EXOC2: variants seen among roughly 807,000 people sequenced by gnomAD.
The protein encoded by EXOC2 is exocyst complex component 2.
A neutral mutation model predicts 131.8 loss-of-function variants in EXOC2; 70 were observed. The observed-to-expected ratio is 0.53, with a 90% CI of 0.44 to 0.65. The LOEUF is 0.65. Among genes scored for constraint, EXOC2 ranks in the 30% least tolerant of loss-of-function variants. The probability of loss-of-function intolerance (pLI) is 0.00; values close to 1 mark genes in which losing one functional copy is unlikely to be tolerated. For synonymous variants in EXOC2, 411 were observed against 398.4 expected (o/e 1.03, Z -0.38); for missense variants, 923 against 1,108.6 (o/e 0.83, Z 2.38).
chr6:640,432 G>A (rs985343854), intron 1 of EXOC2, among the ~76,000 whole-genome samples: 18 of 152,160 alleles, frequency 1.2e-4, no homozygotes, highest in Non-Finnish European at 2.1e-4. Flanking sequence ...AAAAAACACA[G>A]AACAAACATA....
intron 1 of EXOC2, chr6:656,496 A>G: frequency 1.2e-6 from 2 of 1,607,104 alleles, no homozygotes; most frequent in Non-Finnish European, 1.7e-6. Context: ...GGAGGCGCGC[A>G]GGCTGGGCGG....
At chr6:632,821 A>G in intron 3 of EXOC2, 120 bp downstream of exon 3, 1 of 996,904 alleles carries the variant, frequency 1.0e-6, no homozygotes, top group Non-Finnish European at 1.5e-6. Context: ...ATAAACATAA[A>G]CTAAATCTAA....
chr6:553,937 G>A lies in EXOC2; in HGVS notation c.2055-17C>T. On this transcript the variant is annotated splice_polypyrimidine_tract_variant and intron_variant, in intron 20 of 27. Coordinates refer to ENST00000230449, the MANE Select transcript of EXOC2 (RefSeq NM_018303.6). The stretch of plus-strand genomic sequence containing the variant: ...ACAGAGAGACTGAACATAGAAGCAA[G>A]TAGGAACAGTTACAAATAAAGCACT... The A allele has an allele frequency of 6.2e-7, 1 of 1,604,836 alleles. No individual in the cohort carries two copies. The highest frequency in any genetic ancestry group is 8.5e-7 in the Non-Finnish European group (1 of 1,171,794).
At chr6:612,066 T>C (rs898972408) in intron 6 of EXOC2, among the ~76,000 whole-genome samples, 9 of 152,206 alleles carry the variant, frequency 5.9e-5, no homozygotes, top group Admixed American at 6.5e-5. Flanking sequence ...GGGTAGTATC[T>C]AAAGGATCCA....
intron 23 of EXOC2, among the ~76,000 whole-genome samples, chr6:523,271 C>G (rs1250535363): frequency 6.6e-6 from 1 of 152,350 alleles, no homozygotes; most frequent in South Asian, 2.1e-4. Context: ...GATCAGTACC[C>G]TGGCTCCCCA....
rs1020282371 is a variant in EXOC2 at position 642,261 on chromosome 6, T to C, written c.-43-4400A>G. On this transcript the variant is annotated intron_variant, in intron 1 of 27. Transcript: ENST00000230449. ...CTACATAATGTTAATATTCACTGTGTTAAATTTTAGATATTTTATTTGTTT... is the reference window on the plus strand; with the variant it reads ...CTACATAATGTTAATATTCACTGTGCTAAATTTTAGATATTTTATTTGTTT... 4.6e-5 allele frequency among the ~76,000 whole-genome samples: 7 copies of C among 152,262 alleles called. No homozygotes were observed. In the East Asian group the frequency reaches 5.8e-4, roughly 13 times the overall value.
intron 23 of EXOC2, among the ~76,000 whole-genome samples, chr6:528,151 A>T (rs1244101585): frequency 2.0e-5 from 3 of 152,228 alleles, no homozygotes; most frequent in Non-Finnish European, 4.4e-5. Context: ...GGTAAGATTT[A>T]AAAAAACATC....
chr6:682,560 A>G (rs1764461687), intron 1 of EXOC2, among the ~76,000 whole-genome samples: 1 of 152,138 alleles, frequency 6.6e-6, no homozygotes, highest in Non-Finnish European at 1.5e-5. Flanking sequence ...ACCATCATTT[A>G]TCAGTATTTT....
intron 1 of EXOC2, among the ~76,000 whole-genome samples, chr6:658,657 ATATATATATTTTTT>A (rs1431664175): frequency 8.0e-5 from 6 of 75,380 alleles, no homozygotes; most frequent in Admixed American, 2.7e-4. Context: ...ATATATATAT[ATATATATATTTTTT>A]TTTTTTTTAG....
chr6:614,182 C>T (rs540084610), intron 6 of EXOC2, among the ~76,000 whole-genome samples: 6 of 151,936 alleles, frequency 3.9e-5, no homozygotes, highest in Non-Finnish European at 7.4e-5. Flanking sequence ...CTGTGGACCA[C>T]GGGCCACACT....
chr6:538,659 C>T (rs754910174), intron 22 of EXOC2, among the ~76,000 whole-genome samples: 1 of 152,180 alleles, frequency 6.6e-6, no homozygotes, highest in Non-Finnish European at 1.5e-5. Flanking sequence ...TGTGTACAGA[C>T]AGTCCCAACT....
intron 5 of EXOC2, among the ~76,000 whole-genome samples, chr6:618,518 T>C (rs895641642): frequency 6.6e-6 from 1 of 152,230 alleles, no homozygotes; most frequent in Non-Finnish European, 1.5e-5. Context: ...AGCTCAATTC[T>C]GACTTATAAT....
At chr6:499,428 TAAACACAC>T (rs1427837281) in intron 24 of EXOC2, among the ~76,000 whole-genome samples, 8 of 79,128 alleles carry the variant, frequency 1.0e-4, no homozygotes, top group Admixed American at 7.7e-4. Flanking sequence ...GACTCACAGT[TAAACACAC>T]ACACACACAC....
At chr6:598,646 T>A (rs1386155967) in intron 9 of EXOC2, among the ~76,000 whole-genome samples, 1 of 152,230 alleles carries the variant, frequency 6.6e-6, no homozygotes, top group East Asian at 1.9e-4. Context: ...AGAGAACGTC[T>A]CAGGCGAACA....
chr6:623,164 G>A (rs534604040), intron 4 of EXOC2, among the ~76,000 whole-genome samples: 123 of 152,276 alleles, frequency 8.1e-4, no homozygotes, highest in Middle Eastern at 6.8e-3. Context: ...ACCACAGGCC[G>A]CTGGGAGGAC....
chr6:671,386 T>TACA (rs1763862284), intron 1 of EXOC2, among the ~76,000 whole-genome samples: 3 of 152,020 alleles, frequency 2.0e-5, no homozygotes, highest in Admixed American at 6.5e-5. Flanking sequence ...AACTATTTGT[T>TACA]TTTTAAGCCA....
chr6:639,873 G>C (rs1303202159), intron 1 of EXOC2, among the ~76,000 whole-genome samples: 1 of 152,202 alleles, frequency 6.6e-6, no homozygotes, highest in Non-Finnish European at 1.5e-5. Context: ...GGACTCGCAG[G>C]AGCATGGTTA....
rs540244190 is a variant in EXOC2, at chr6:544,619, C to T, written c.2238+4556G>A. Among the ~76,000 whole-genome samples, 3 of 152,212 alleles carry T rather than the reference C, an allele frequency of 2.0e-5. No homozygotes were observed. In the East Asian group the frequency reaches 5.8e-4, roughly 29 times the overall value. ...TAGAGATAATACAGCAGTGAAGACA[C>T]AAAACTGTACTCACTCACATCTAGG... On this transcript the variant is annotated intron_variant, in intron 22 of 27. Coordinates refer to ENST00000230449, the MANE Select transcript of EXOC2 (RefSeq NM_018303.6).
intron 24 of EXOC2, among the ~76,000 whole-genome samples, 197 bp downstream of exon 24, chr6:499,430 AACACACACACACACACAC>A (rs5873755): frequency 4.9e-5 from 7 of 141,742 alleles, no homozygotes; most frequent in East Asian, 4.2e-4. Context: ...CTCACAGTTA[AACACACACACACACACAC>A]ACACACACAC....
Sources: allele counts gnomAD v4.1 joint callset (sites outside exome capture counted in the v4.1 genomes callset), GRCh38; gene constraint gnomAD v4.1.1; transcripts MANE v1.5; gene names NCBI Gene and HGNC (gene_info 2026-07-23, HGNC 2026-07-21).